Variants in OCA2 observed in about 807,000 individuals in gnomAD.
OCA2 encodes the protein OCA2 melanosomal transmembrane protein.
A neutral mutation model predicts 100.2 loss-of-function variants in OCA2; 77 were observed. That is an observed-to-expected ratio of 0.77 (90% CI 0.64 to 0.93). The LOEUF (loss-of-function observed/expected upper bound fraction) is 0.93, where lower values mean the gene tolerates loss of function less well. Ranked by LOEUF, OCA2 falls within the 40% of genes least tolerant of loss-of-function variation. OCA2 has a pLI of 0.00. For synonymous variants in OCA2, 432 were observed against 439.2 expected (o/e 0.98, Z 0.21); for missense variants, 1,062 against 1,089.1 (o/e 0.98, Z 0.35).
At chr15:27,895,130 A>T (rs970050486) in intron 19 of OCA2, among the ~76,000 whole-genome samples, 1 of 152,172 alleles carries the variant, frequency 6.6e-6, no homozygotes, top group Non-Finnish European at 1.5e-5. Context: ...TATAGGAAGC[A>T]TAAGGACCTG....
At chr15:27,937,138 T>C (rs1010650118) in intron 18 of OCA2, among the ~76,000 whole-genome samples, 1 of 152,196 alleles carries the variant, frequency 6.6e-6, no homozygotes, top group African/African-American at 2.4e-5. Context: ...AGAGAGTAAA[T>C]GTGCCTGTTT....
intron 19 of OCA2, among the ~76,000 whole-genome samples, chr15:27,913,838 G>GAAAGGAAAGAAA (rs1555430803): frequency 1.1e-4 from 4 of 37,036 alleles, no homozygotes; most frequent in African/African-American, 1.1e-4. Context: ...AAGAAAGAAA[G>GAAAGGAAAGAAA]GAAAGAAAGA....
chr15:28,001,489 C>A (rs1459065115), intron 9 of OCA2, among the ~76,000 whole-genome samples: 1 of 152,154 alleles, frequency 6.6e-6, no homozygotes, highest in Non-Finnish European at 1.5e-5. Flanking sequence ...ACCGCCAGAG[C>A]TGGGCACTGG....
chr15:27,749,646 G>A, the OCA2 span, among the ~76,000 whole-genome samples: 3 of 149,924 alleles, frequency 2.0e-5, no homozygotes, highest in Admixed American at 2.0e-4. Context: ...GCAAGGCCAT[G>A]GTATACAGGA....
intron 2 of OCA2, among the ~76,000 whole-genome samples, chr15:28,078,571 C>T (rs909923362): frequency 2.3e-4 from 35 of 152,214 alleles, no homozygotes; most frequent in African/African-American, 8.4e-4. Flanking sequence ...ATCCATCCAA[C>T]AGCCCAGGAA....
intron 1 of OCA2, among the ~76,000 whole-genome samples, chr15:28,098,567 G>A (rs7181717): frequency 0.038 from 5,734 of 152,296 alleles, 338 homozygotes; most frequent in African/African-American, 0.13. Flanking sequence ...AAAGTGCACT[G>A]CACATTAGAG....
chr15:27,740,557 C>G, the OCA2 span, among the ~76,000 whole-genome samples: 2 of 152,294 alleles, frequency 1.3e-5, no homozygotes, highest in African/African-American at 2.4e-5. Context: ...AAAGTACATG[C>G]AGTGCAAGTA....
intron 9 of OCA2, among the ~76,000 whole-genome samples, chr15:27,991,794 C>T (rs1368518939): frequency 6.6e-6 from 1 of 152,162 alleles, no homozygotes; most frequent in African/African-American, 2.4e-5. Context: ...ATGCATTATT[C>T]ATTTCTTAAT....
the OCA2 span, among the ~76,000 whole-genome samples, chr15:27,734,320 G>C: frequency 7.1e-6 from 1 of 140,304 alleles, no homozygotes; most frequent in Non-Finnish European, 1.5e-5. Flanking sequence ...GAGAGATCAT[G>C]ATACCTGGTT....
At chr15:28,038,453 A>C (rs1052006697) in intron 2 of OCA2, among the ~76,000 whole-genome samples, 3 of 152,182 alleles carry the variant, frequency 2.0e-5, no homozygotes, top group Non-Finnish European at 4.4e-5. Context: ...AATACAGTGC[A>C]AAGTTCAGCA....
chr15:27,889,643 T>C (rs1391095541), intron 19 of OCA2, among the ~76,000 whole-genome samples: 1 of 152,222 alleles, frequency 6.6e-6, no homozygotes, highest in East Asian at 1.9e-4. Flanking sequence ...AAAGCCTCAC[T>C]GCCCTTCATT....
rs552431396 is a variant in OCA2, at chr15:27,896,953, G to T, written c.2080-25031C>A. Among the ~76,000 whole-genome samples the T allele has an allele frequency of 2.7e-3, 408 of 152,242 alleles. 2 individuals are homozygous for T. Among genetic ancestry groups the T allele is most frequent in the African/African-American group, 9.5e-3 (394 of 41,540 alleles). On this transcript the variant is annotated intron_variant, in intron 19 of 23. Transcript: ENST00000354638. Reference sequence around the variant, plus strand: ...CGCCTATAATCCCAGCACTCTGGGGGGCCGAGGTGGGCGGATTACGAGGTC... The same window carrying T: ...CGCCTATAATCCCAGCACTCTGGGGTGCCGAGGTGGGCGGATTACGAGGTC...
chr15:27,864,725 A>G (rs2036257276), intron 21 of OCA2, among the ~76,000 whole-genome samples: 1 of 152,230 alleles, frequency 6.6e-6, no homozygotes, highest in African/African-American at 2.4e-5. Context: ...TTCAACATTC[A>G]GGACAAGAGT....
chr15:27,880,057 AT>A (rs1044007596), intron 19 of OCA2, among the ~76,000 whole-genome samples: 30 of 151,974 alleles, frequency 2.0e-4, no homozygotes, highest in African/African-American at 6.3e-4. Context: ...TTCAGTTTCA[AT>A]TTTCTGCATG....
intron 23 of OCA2, among the ~76,000 whole-genome samples, chr15:27,812,347 A>G (rs1293132063): frequency 2.6e-5 from 4 of 152,238 alleles, no homozygotes; most frequent in Non-Finnish European, 4.4e-5. Context: ...TGGGCAAGTC[A>G]GGAGCACAGG....
At chr15:27,904,341 G>A (rs2038085526) in intron 19 of OCA2, among the ~76,000 whole-genome samples, 1 of 152,180 alleles carries the variant, frequency 6.6e-6, no homozygotes. Context: ...AAAGACTCCC[G>A]ACCATGCTGG....
intron 21 of OCA2, among the ~76,000 whole-genome samples, chr15:27,867,679 C>T (rs1425370745): frequency 6.6e-6 from 1 of 152,074 alleles, no homozygotes; most frequent in Non-Finnish European, 1.5e-5. Context: ...AACCAATTAA[C>T]AAAGTTCTCT....
intron 19 of OCA2, among the ~76,000 whole-genome samples, chr15:27,923,648 G>A (rs572630633): frequency 2.0e-5 from 3 of 152,286 alleles, no homozygotes; most frequent in South Asian, 4.1e-4. Context: ...TATTGGCTGC[G>A]TGTATGTCTT....
intron 23 of OCA2, among the ~76,000 whole-genome samples, chr15:27,771,120 T>A (rs1054049590): frequency 1.5e-4 from 19 of 128,316 alleles, no homozygotes; most frequent in African/African-American, 4.0e-4. Context: ...CCTTCTTCCT[T>A]CTTTCCTTCC....
Sources: allele counts gnomAD v4.1 joint callset (sites outside exome capture counted in the v4.1 genomes callset), GRCh38; gene constraint gnomAD v4.1.1; transcripts MANE v1.5; gene names NCBI Gene and HGNC (gene_info 2026-07-23, HGNC 2026-07-21).